Variants in AXDND1 observed in about 807,000 individuals in gnomAD.
The protein encoded by AXDND1 is axonemal dynein light chain domain containing 1, also known as axonemal dynein light chain domain-containing protein 1.
Under a neutral mutation model 137.5 loss-of-function variants are expected in AXDND1, and 110 were observed. The observed-to-expected ratio is 0.80, with a 90% CI of 0.69 to 0.94. The LOEUF is 0.94. AXDND1 is among the 40% of genes least tolerant of loss of function. The pLI, the probability that AXDND1 is intolerant of heterozygous loss-of-function variation, is 0.00. For missense variants in AXDND1, 1,191 were observed against 1,169.8 expected, an observed-to-expected ratio of 1.02 and a Z score of -0.26; for synonymous variants, 414 against 399.7, an observed-to-expected ratio of 1.04 and a Z score of -0.43.
chr1:179,414,805 T>TA (rs1654447233), intron 12 of AXDND1, among the ~76,000 whole-genome samples: 1 of 152,174 alleles, frequency 6.6e-6, no homozygotes, highest in African/African-American at 2.4e-5. Context: ...AAGTTGTTTA[T>TA]AAAACCCATC....
At chr1:179,495,846 C>T (rs1667385174) in intron 20 of AXDND1, among the ~76,000 whole-genome samples, 1 of 149,426 alleles carries the variant, frequency 6.7e-6, no homozygotes, top group Non-Finnish European at 1.5e-5. Context: ...TTATAGATAC[C>T]CTTTATTAGA....
chr1:179,451,562 T>C (rs1006418230), intron 16 of AXDND1: 1 of 152,222 alleles, frequency 6.6e-6, no homozygotes, highest in South Asian at 2.1e-4. Flanking sequence ...TTCACTGATA[T>C]GGCTTGGCTG....
intron 12 of AXDND1, among the ~76,000 whole-genome samples, chr1:179,416,950 C>T (rs1183150485): frequency 5.3e-5 from 8 of 152,294 alleles, no homozygotes; most frequent in South Asian, 2.1e-4. Context: ...CTTGCATATA[C>T]GGCCCTTTTA....
intron 25 of AXDND1, chr1:179,545,937 T>C (rs980521287): frequency 1.3e-5 from 2 of 152,142 alleles, no homozygotes; most frequent in Non-Finnish European, 2.9e-5. Context: ...GAAAGGATGC[T>C]GGGGGGTTCA....
intron 15 of AXDND1, among the ~76,000 whole-genome samples, chr1:179,443,232 T>C (rs1220654829): frequency 6.6e-6 from 1 of 152,220 alleles, no homozygotes; most frequent in Non-Finnish European, 1.5e-5. Flanking sequence ...AGTGGAGCGC[T>C]GAGTTGGTCC....
At chr1:179,439,791 T>A (rs1658722123) in intron 15 of AXDND1, among the ~76,000 whole-genome samples, 1 of 152,146 alleles carries the variant, frequency 6.6e-6, no homozygotes, top group Non-Finnish European at 1.5e-5. Context: ...TCATGGCTCG[T>A]ACCGGAGGGA....
intron 9 of AXDND1, among the ~76,000 whole-genome samples, chr1:179,386,196 C>CAT (rs1649192269): frequency 6.6e-6 from 1 of 151,738 alleles, no homozygotes; most frequent in South Asian, 2.1e-4. Context: ...GGATTACAGG[C>CAT]GCCTGCCACC....
At chr1:179,526,741 G>T (rs571562793) in intron 22 of AXDND1, among the ~76,000 whole-genome samples, 2 of 152,300 alleles carry the variant, frequency 1.3e-5, no homozygotes, top group South Asian at 4.1e-4. Context: ...CTGGTAAAGT[G>T]CTTGGTATGT....
chr1:179,545,009 A>C (rs373516876), intron 25 of AXDND1: 1 of 152,304 alleles, frequency 6.6e-6, no homozygotes, highest in African/African-American at 2.4e-5. Context: ...AGATTCACCC[A>C]GAATCTCTAT....
intron 25 of AXDND1, among the ~76,000 whole-genome samples, chr1:179,553,757 C>A (rs1439411729): frequency 6.6e-6 from 1 of 151,894 alleles, no homozygotes; most frequent in Non-Finnish European, 1.5e-5. Flanking sequence ...TTCTTTTTTT[C>A]TTTCTTTGAG....
At chr1:179,533,114 A>G (rs1558311927) in intron 23 of AXDND1, 1 of 151,992 alleles carries the variant, frequency 6.6e-6, no homozygotes, top group Admixed American at 6.6e-5. Flanking sequence ...GGTAGACTTT[A>G]CCTTATACCT....
intron 16 of AXDND1, among the ~76,000 whole-genome samples, chr1:179,463,175 T>C: frequency 6.6e-6 from 1 of 152,260 alleles, no homozygotes; most frequent in Non-Finnish European, 1.5e-5. Context: ...TGAATGTGTT[T>C]GCTCTTGCTT....
intron 16 of AXDND1, chr1:179,450,113 C>T (rs1660352713): frequency 2.0e-5 from 3 of 149,558 alleles, no homozygotes; most frequent in Admixed American, 6.8e-5. Flanking sequence ...AAGCGATTCT[C>T]CTGCCCCAGC....
At chr1:179,429,210 A>G (rs1657031294) in intron 12 of AXDND1, among the ~76,000 whole-genome samples, 1 of 152,096 alleles carries the variant, frequency 6.6e-6, no homozygotes, top group Admixed American at 6.6e-5. Flanking sequence ...TTTCCAATAC[A>G]GTAAATATCA....
chr1:179,398,457 C>T (rs1400475819), intron 11 of AXDND1, among the ~76,000 whole-genome samples: 1 of 152,144 alleles, frequency 6.6e-6, no homozygotes, highest in African/African-American at 2.4e-5. Flanking sequence ...GTGGGATCTG[C>T]CCTTGTTTTC....
chr1:179,396,692 A>G (rs987602373), intron 11 of AXDND1, among the ~76,000 whole-genome samples: 7 of 152,052 alleles, frequency 4.6e-5, no homozygotes, highest in Non-Finnish European at 7.4e-5. Context: ...ACTAAATACT[A>G]TTCTTTTGAG....
At chr1:179,393,343 C>T (rs769226660) in intron 9 of AXDND1, among the ~76,000 whole-genome samples, 3 of 152,144 alleles carry the variant, frequency 2.0e-5, no homozygotes, top group East Asian at 1.9e-4. Context: ...TTTTTATACC[C>T]GTACCATGCT....
chr1:179,510,094 CT>C (rs1041487015), intron 21 of AXDND1, among the ~76,000 whole-genome samples: 1 of 152,164 alleles, frequency 6.6e-6, no homozygotes, highest in Non-Finnish European at 1.5e-5. Context: ...TTTTCTCCTA[CT>C]TCTTTATTTC....
chr1:179,491,023 A>T (rs1188619053), intron 18 of AXDND1, among the ~76,000 whole-genome samples: 2 of 152,200 alleles, frequency 1.3e-5, no homozygotes, highest in African/African-American at 4.8e-5. Context: ...ATCTATGGCC[A>T]GGCTAAAGAA....
Sources: gnomAD v4.1 joint callset for allele counts (sites outside exome capture counted in the v4.1 genomes callset) on GRCh38, gnomAD v4.1.1 for gene constraint, MANE v1.5 for transcripts, NCBI Gene and HGNC (gene_info 2026-07-23, HGNC 2026-07-21) for gene names.